The following KLHL32 variants were observed in gnomAD, a reference collection of about 807,000 sequenced individuals.
KLHL32 encodes the protein kelch-like protein 32.
A neutral mutation model predicts 64.8 loss-of-function variants in KLHL32; 35 were observed. That is an observed-to-expected ratio of 0.54 (90% CI 0.41 to 0.72). KLHL32 has a LOEUF of 0.72. KLHL32 is among the 30% of genes least tolerant of loss of function. The pLI, the probability that KLHL32 is intolerant of heterozygous loss-of-function variation, is 0.00. For missense variants in KLHL32, 589 were observed against 768.5 expected (o/e 0.77, Z 2.76); for synonymous variants, 259 against 281.0 (o/e 0.92, Z 0.78).
At chr6:96,984,140 C>A (rs1161783107) in intron 3 of KLHL32, among the ~76,000 whole-genome samples, 2 of 152,128 alleles carry the variant, frequency 1.3e-5, no homozygotes, top group East Asian at 3.8e-4. Flanking sequence ...GTTATATGCC[C>A]AGTAGTCATT....
At chr6:97,046,422 T>G (rs2128132096) in intron 4 of KLHL32, among the ~76,000 whole-genome samples, 1 of 152,270 alleles carries the variant, frequency 6.6e-6, no homozygotes, top group South Asian at 2.1e-4. Context: ...TTTGTTATAC[T>G]TTGTTGAAGG....
Position 96,967,036 on chromosome 6 carries a change from A to G in KLHL32, c.-25A>G, listed in dbSNP as rs999989696. The G allele has an allele frequency of 2.5e-6, 4 of 1,611,922 alleles. No individual in the cohort carries two copies. In the African/African-American group the frequency reaches 4.0e-5, roughly 16 times the overall value. On this transcript the variant is annotated 5_prime_UTR_variant, in exon 2 of 11. Transcript: ENST00000369261. ...ATTCCTCTGCACACTTCTAAGGCTG[A>G]GAACCTGAGGAACCCAGCTGGAAAA...
chr6:97,049,077 C>T (rs1358054663), intron 4 of KLHL32, among the ~76,000 whole-genome samples: 1 of 152,178 alleles, frequency 6.6e-6, no homozygotes, highest in African/African-American at 2.4e-5. Context: ...TCCTTACCTG[C>T]TGGGGCTATA....
At chr6:96,909,803 G>A in the KLHL32 span, among the ~76,000 whole-genome samples, 2 of 152,226 alleles carry the variant, frequency 1.3e-5, no homozygotes, top group Non-Finnish European at 2.9e-5. Flanking sequence ...GTGTCTTTTT[G>A]TGTGCAGGGA....
chr6:97,131,603 C>T (rs1799452556), intron 9 of KLHL32, among the ~76,000 whole-genome samples: 2 of 152,122 alleles, frequency 1.3e-5, no homozygotes, highest in Non-Finnish European at 2.9e-5. Flanking sequence ...CCCTTGTCAG[C>T]TTGCATTGTT....
chr6:97,014,609 T>C (rs1245262362), intron 3 of KLHL32, among the ~76,000 whole-genome samples: 2 of 152,182 alleles, frequency 1.3e-5, no homozygotes, highest in East Asian at 3.9e-4. Context: ...TCTGATTGTC[T>C]ACTATAAGCC....
chr6:97,037,552 ATACTCCG>A (rs1310985658), intron 3 of KLHL32, among the ~76,000 whole-genome samples: 1 of 152,190 alleles, frequency 6.6e-6, no homozygotes, highest in Non-Finnish European at 1.5e-5. Flanking sequence ...AAAGGGAAAG[ATACTCCG>A]TATTCATGGA....
chr6:97,139,095 A>C, intron 10 of KLHL32, 26 bp from the exon 11 acceptor site: 2 of 1,592,642 alleles, frequency 1.3e-6, no homozygotes, highest in Non-Finnish European at 1.7e-6. Flanking sequence ...TTTGATACAC[A>C]AGCTTCTTCT....
At chr6:97,002,536 C>T (rs1395805252) in intron 3 of KLHL32, among the ~76,000 whole-genome samples, 3 of 152,140 alleles carry the variant, frequency 2.0e-5, no homozygotes, top group East Asian at 3.9e-4. Flanking sequence ...GTAAATTGTG[C>T]GTCATAGGAG....
At chr6:97,007,271 C>T (rs1326860783) in intron 3 of KLHL32, among the ~76,000 whole-genome samples, 1 of 151,972 alleles carries the variant, frequency 6.6e-6, no homozygotes, top group East Asian at 1.9e-4. Flanking sequence ...CTTTCTTTGG[C>T]TTCATCATTT....
At position 97,036,429 on chromosome 6, in the gene KLHL32, A is replaced by C. The variant is rs575755629; in HGVS notation, c.205-5063A>C. ...TGGTGTTATGTTTCCCTGACATTTC[A>C]TGTTCCTTGTAGCCTTGCATTGGTG... On this transcript the variant is annotated intron_variant, in intron 3 of 10. Transcript: ENST00000369261. Among the ~76,000 whole-genome samples, 238 of 152,316 alleles carry C rather than the reference A, an allele frequency of 1.6e-3. 1 individual carries two copies. The highest frequency in any genetic ancestry group is 5.3e-3 in the African/African-American group (221 of 41,578).
In KLHL32 at chr6:97,079,107, G is replaced by A. The variant is rs555556364; in HGVS notation, c.412-6019G>A. Among the ~76,000 whole-genome samples, 66 of 152,312 alleles carry A rather than the reference G, an allele frequency of 4.3e-4. 1 individual carries two copies. Among genetic ancestry groups the A allele is most frequent in the South Asian group, 1.2e-3 (6 of 4,824 alleles). The stretch of plus-strand genomic sequence containing the variant: ...TTTTTCTCTCATTCAAGAAGGTATA[G>A]TAGAATACAAGTGAGTCTGGGTGGC... On this transcript the variant is annotated intron_variant, in intron 5 of 10. Coordinates refer to ENST00000369261, the MANE Select transcript of KLHL32 (RefSeq NM_052904.4).
rs147029922 is a variant in KLHL32, at chr6:97,046,903, T to A, written c.312+5304T>A. 4.4e-3 allele frequency among the ~76,000 whole-genome samples: 666 copies of A among 152,340 alleles called. 1 individual carries two copies. The highest frequency in any genetic ancestry group is 8.3e-3 in the Non-Finnish European group (564 of 68,022). The stretch of plus-strand genomic sequence containing the variant: ...GATTTGTAAAAATTCAGGGTTAACA[T>A]CGAGTGTATCTGCCTATAGCTATTT... On this transcript the variant is annotated intron_variant, in intron 4 of 10. Coordinates refer to ENST00000369261, the MANE Select transcript of KLHL32 (RefSeq NM_052904.4).
chr6:96,999,167 A>G (rs1258564786), intron 3 of KLHL32, among the ~76,000 whole-genome samples: 1 of 152,192 alleles, frequency 6.6e-6, no homozygotes, highest in Admixed American at 6.5e-5. Flanking sequence ...AGGCTGAGGC[A>G]GAAGGATCAT....
chr6:96,975,512 C>CA (rs1012224349), intron 2 of KLHL32, among the ~76,000 whole-genome samples: 5 of 152,116 alleles, frequency 3.3e-5, no homozygotes, highest in African/African-American at 1.2e-4. Flanking sequence ...TATGTGTTAA[C>CA]AGAGTCTTGT....
At chr6:97,113,706 A>G in intron 6 of KLHL32, 77 bp from the exon 7 acceptor site, 3 of 1,512,174 alleles carry the variant, frequency 2.0e-6, no homozygotes, top group Non-Finnish European at 1.8e-6. Flanking sequence ...GAATACAGGT[A>G]ACCTACCTAT....
At chr6:97,082,744 G>A (rs942471472) in intron 5 of KLHL32, among the ~76,000 whole-genome samples, 11 of 152,160 alleles carry the variant, frequency 7.2e-5, no homozygotes, top group African/African-American at 2.7e-4. Flanking sequence ...TGAATTCAGA[G>A]CTTAGGAGAA....
At chr6:97,108,352 G>A (rs541283144) in intron 6 of KLHL32, among the ~76,000 whole-genome samples, 14 of 152,252 alleles carry the variant, frequency 9.2e-5, no homozygotes, top group Admixed American at 8.5e-4. Context: ...CCAGTTCCAA[G>A]AATAATTTTT....
At position 97,124,728 on chromosome 6, in the gene KLHL32, T is replaced by C. The variant is rs1017044617; in HGVS notation, c.1355-2676T>C. Among the ~76,000 whole-genome samples, 7 of 152,298 alleles carry C rather than the reference T, an allele frequency of 4.6e-5. No homozygotes were observed. In the East Asian group the frequency reaches 1.4e-3, roughly 29 times the overall value. On this transcript the variant is annotated intron_variant, in intron 7 of 10. Coordinates refer to ENST00000369261, the MANE Select transcript of KLHL32 (RefSeq NM_052904.4). ...GGTTCCATTTCAGTTAGAGAAGTGA[T>C]TGTAGGCAAGCTGGACGTTAATCTG...
Sources: allele counts gnomAD v4.1 joint callset (sites outside exome capture counted in the v4.1 genomes callset), GRCh38; gene constraint gnomAD v4.1.1; transcripts MANE v1.5; gene names NCBI Gene and HGNC (gene_info 2026-07-23, HGNC 2026-07-21).